The following C8orf34 variants were observed in gnomAD, a reference collection of about 807,000 sequenced individuals.
C8orf34 encodes uncharacterized protein C8orf34.
Under a neutral mutation model 68.3 loss-of-function variants are expected in C8orf34, and 65 were observed. That is an observed-to-expected ratio of 0.95 (90% CI 0.78 to 1.17). The LOEUF is 1.17. Ranked by LOEUF, C8orf34 falls within the 50% of genes most tolerant of loss-of-function variation. The pLI is 0.00. For missense variants in C8orf34, 664 were observed against 655.4 expected (o/e 1.01, Z -0.14); for synonymous variants, 244 against 241.2 (o/e 1.01, Z -0.11).
intron 5 of C8orf34, among the ~76,000 whole-genome samples, chr8:68,514,049 C>T (rs1258564907): frequency 1.3e-5 from 2 of 152,154 alleles, no homozygotes; most frequent in African/African-American, 2.4e-5. Flanking sequence ...TTCCTTAGTT[C>T]AGTTAAAGAT....
At chr8:68,484,991 G>C (rs1045582690) in intron 4 of C8orf34, among the ~76,000 whole-genome samples, 4 of 152,146 alleles carry the variant, frequency 2.6e-5, no homozygotes, top group Non-Finnish European at 5.9e-5. Flanking sequence ...CATAATTAAA[G>C]GCATAATTCT....
intron 1 of C8orf34, among the ~76,000 whole-genome samples, chr8:68,417,780 C>T (rs1260872203): frequency 6.6e-6 from 1 of 151,990 alleles, no homozygotes; most frequent in Non-Finnish European, 1.5e-5. Context: ...GATGCGGGCT[C>T]TTTTTTGGTT....
intron 9 of C8orf34, among the ~76,000 whole-genome samples, chr8:68,717,402 A>G (rs1232203979): frequency 6.6e-6 from 1 of 151,820 alleles, no homozygotes; most frequent in Non-Finnish European, 1.5e-5. Context: ...CTGAGGCAGG[A>G]GAATGGCATG....
At chr8:68,655,505 G>A (rs1439787413) in intron 8 of C8orf34, among the ~76,000 whole-genome samples, 1 of 152,084 alleles carries the variant, frequency 6.6e-6, no homozygotes, top group Non-Finnish European at 1.5e-5. Flanking sequence ...AGTAGAAACT[G>A]TACTTTGAAT....
At chr8:68,617,683 G>T (rs981467963) in intron 7 of C8orf34, among the ~76,000 whole-genome samples, 3 of 152,142 alleles carry the variant, frequency 2.0e-5, no homozygotes, top group Non-Finnish European at 4.4e-5. Flanking sequence ...TCCCTTTGTG[G>T]GTAACCCGAC....
chr8:68,580,133 A>G (rs1383625814), intron 7 of C8orf34, among the ~76,000 whole-genome samples: 5 of 152,176 alleles, frequency 3.3e-5, no homozygotes, highest in African/African-American at 1.2e-4. Flanking sequence ...AAATGAGAGA[A>G]TTATTCATTC....
Position 68,488,066 on chromosome 8 carries a change from A to G in C8orf34, c.765+15A>G, listed in dbSNP as rs746390281. Reference sequence around the variant, plus strand: ...AACTCGATAAGGTAAGTTGAACTATACATCTGGTGAAAAGAAAATGTAGAA... The same window carrying G: ...AACTCGATAAGGTAAGTTGAACTATGCATCTGGTGAAAAGAAAATGTAGAA... On this transcript the variant is annotated intron_variant, in intron 5 of 13. Coordinates refer to ENST00000518698, the MANE Select transcript of C8orf34 (RefSeq NM_052958.4). 6.4e-7 allele frequency: 1 copy of G among 1,557,668 alleles called. No individual in the cohort carries two copies.
At chr8:68,505,850 C>A (rs1200360699) in intron 5 of C8orf34, among the ~76,000 whole-genome samples, 1 of 151,584 alleles carries the variant, frequency 6.6e-6, no homozygotes, top group Non-Finnish European at 1.5e-5. Context: ...AACTGAAAAA[C>A]TGAACTAGTT....
At chr8:68,373,823 T>G (rs977224982) in intron 1 of C8orf34, among the ~76,000 whole-genome samples, 5 of 152,216 alleles carry the variant, frequency 3.3e-5, no homozygotes, top group Non-Finnish European at 7.3e-5. Flanking sequence ...GGTAACTACA[T>G]ATCACAAGTG....
intron 1 of C8orf34, among the ~76,000 whole-genome samples, chr8:68,382,223 G>C (rs1393730907): frequency 6.6e-6 from 1 of 152,144 alleles, no homozygotes; most frequent in African/African-American, 2.4e-5. Context: ...AGTAATTCTT[G>C]TTGATTAAAT....
intron 3 of C8orf34, among the ~76,000 whole-genome samples, chr8:68,462,648 C>T (rs2129629178): frequency 6.6e-6 from 1 of 151,958 alleles, no homozygotes; most frequent in Non-Finnish European, 1.5e-5. Context: ...CACTCAAAAC[C>T]ACTCAACTAC....
At chr8:68,750,271 T>C (rs970934632) in intron 10 of C8orf34, among the ~76,000 whole-genome samples, 1 of 152,098 alleles carries the variant, frequency 6.6e-6, no homozygotes, top group Non-Finnish European at 1.5e-5. Flanking sequence ...CGTTATTCAG[T>C]CATAAGAAAT....
At position 68,654,351 on chromosome 8, in the gene C8orf34, G is replaced by A. The variant is rs558710259; in HGVS notation, c.1241+13840G>A. 3.4e-3 allele frequency among the ~76,000 whole-genome samples: 523 copies of A among 152,236 alleles called. 6 individuals carry two copies. Among genetic ancestry groups the A allele is most frequent in the African/African-American group, 0.012 (513 of 41,544 alleles). Reference sequence around the variant, plus strand: ...AGGGCAGCCTGAACAGACTAAGACAGTTTTCTCAGTACTTTTAGATGAAAA... The same window carrying A: ...AGGGCAGCCTGAACAGACTAAGACAATTTTCTCAGTACTTTTAGATGAAAA... On this transcript the variant is annotated intron_variant, in intron 8 of 13. Coordinates refer to ENST00000518698, the MANE Select transcript of C8orf34 (RefSeq NM_052958.4).
chr8:68,371,893 A>G (rs892071656), intron 1 of C8orf34, among the ~76,000 whole-genome samples: 2 of 152,034 alleles, frequency 1.3e-5, no homozygotes, highest in Non-Finnish European at 2.9e-5. Context: ...TTATTTCTAT[A>G]AGCTACCCTA....
chr8:68,766,879 G>C (rs1442096106), intron 10 of C8orf34, among the ~76,000 whole-genome samples: 1 of 152,136 alleles, frequency 6.6e-6, no homozygotes, highest in Non-Finnish European at 1.5e-5. Context: ...GAACACCACT[G>C]ATGCCAAGAA....
chr8:68,650,232 T>TTA (rs60037160), intron 8 of C8orf34, among the ~76,000 whole-genome samples: 11,354 of 151,922 alleles, frequency 0.075, 616 homozygotes, highest in African/African-American at 0.15. Context: ...CCGTGGAAAA[T>TTA]TAGGATGCCG....
At chr8:68,522,435 A>G (rs1814796523) in intron 6 of C8orf34, among the ~76,000 whole-genome samples, 1 of 152,206 alleles carries the variant, frequency 6.6e-6, no homozygotes, top group African/African-American at 2.4e-5. Context: ...AGTTAGAACC[A>G]TTTAAGTTTA....
In C8orf34 at chr8:68,535,757, A is replaced by G. The variant is rs1392739067; in HGVS notation, c.1105+2608A>G. 7.3e-6 allele frequency: 7 copies of G among 953,022 alleles called. No individual in the cohort carries two copies. The East Asian group carries it at 8.1e-4, about 110-fold the overall frequency. The allele number at this position is 953,022 out of a possible 1,614,324, so 59.0% of individuals were successfully genotyped here. On this transcript the variant is annotated intron_variant, in intron 7 of 13. Coordinates refer to ENST00000518698, the MANE Select transcript of C8orf34 (RefSeq NM_052958.4). The stretch of plus-strand genomic sequence containing the variant: ...TGTAAGATTGCTTTAAATGCTCCTT[A>G]TAAATTCACATTGCAAAAGTAACTT...
intron 6 of C8orf34, among the ~76,000 whole-genome samples, chr8:68,526,181 G>T (rs1489059627): frequency 6.6e-6 from 1 of 151,796 alleles, no homozygotes; most frequent in Non-Finnish European, 1.5e-5. Flanking sequence ...GGCAGGTCTT[G>T]TATTCCTGGA....
Sources: gnomAD v4.1 joint callset for allele counts (sites outside exome capture counted in the v4.1 genomes callset) on GRCh38, gnomAD v4.1.1 for gene constraint, MANE v1.5 for transcripts, NCBI Gene and HGNC (gene_info 2026-07-23, HGNC 2026-07-21) for gene names.